PKD1L3: variants seen among roughly 807,000 people sequenced by gnomAD.
PKD1L3 encodes polycystin-1-like protein 3.
Under a neutral mutation model 184.1 loss-of-function variants are expected in PKD1L3, and 239 were observed. The ratio of observed to expected loss-of-function variants is 1.30; its 90% CI spans 1.17 to 1.45. The LOEUF (loss-of-function observed/expected upper bound fraction) is 1.45. Among genes scored for constraint, PKD1L3 ranks in the 40% most tolerant of loss-of-function variants. The probability of loss-of-function intolerance (pLI) is 0.00; values close to 1 mark genes in which losing one functional copy is unlikely to be tolerated. For synonymous variants in PKD1L3, 996 were observed against 778.8 expected (o/e 1.28, Z -4.64); for missense variants, 2,660 against 2,067.2 (o/e 1.29, Z -5.56).
In PKD1L3 at chr16:72,000,077, T is replaced by G; in HGVS notation, c.-99A>C. 1 of 1,032,640 alleles carries G rather than the reference T, an allele frequency of 9.7e-7. No homozygotes were observed. Among genetic ancestry groups the G allele is most frequent in the Non-Finnish European group, 1.3e-6 (1 of 755,224 alleles). 64.0% of individuals were successfully genotyped at this position (1,032,640 alleles called of 1,614,324 possible). A position where few individuals can be genotyped will look rare whatever the true frequency, so the allele number is the denominator to read the frequency against. ...GGCTTGTCTTATTAGTATTATTCTT[T>G]TATGAATTGGGAACAATTTACCAAG... On this transcript the variant is annotated 5_prime_UTR_variant, in exon 1 of 30. Coordinates refer to ENST00000620267, the MANE Select transcript of PKD1L3 (RefSeq NM_181536.2).
intron 2 of PKD1L3, among the ~76,000 whole-genome samples, chr16:71,994,701 T>G (rs531477925): frequency 6.6e-6 from 1 of 152,120 alleles, no homozygotes; most frequent in Non-Finnish European, 1.5e-5. Context: ...AGGGATTGCT[T>G]TTTACAATGT....
intron 2 of PKD1L3, among the ~76,000 whole-genome samples, chr16:71,994,367 G>C (rs947606356): frequency 9.2e-5 from 14 of 152,042 alleles, no homozygotes; most frequent in Non-Finnish European, 1.8e-4. Context: ...GAATATCAAA[G>C]CAATTTAGAG....
In PKD1L3 at chr16:71,975,809, A is replaced by G. The variant is rs182315502; in HGVS notation, c.1759+1427T>C. On this transcript the variant is annotated intron_variant, in intron 11 of 29. Transcript: ENST00000620267. The stretch of plus-strand genomic sequence containing the variant: ...AAATCACACAGGACTCAATACACAC[A>G]CATACAGAAATGTGCTTGTAAACCT... 2.6e-5 allele frequency among the ~76,000 whole-genome samples: 4 copies of G among 152,326 alleles called. No homozygotes were observed. In the East Asian group the frequency reaches 5.8e-4, roughly 22 times the overall value.
At position 71,935,561 on chromosome 16, in the gene PKD1L3, T is replaced by G. The variant is rs1471601072; in HGVS notation, c.4453-43A>C. The G allele has an allele frequency of 6.6e-6, 10 of 1,525,608 alleles. No homozygotes were observed. The East Asian group carries it at 2.5e-4, about 37-fold the overall frequency. The allele number at this position is 1,525,608 out of a possible 1,614,324, so 94.5% of individuals were successfully genotyped here. On this transcript the variant is annotated intron_variant, in intron 25 of 29. Transcript: ENST00000620267. ...AGTCACTGTTGCTTGTCTGAGAGAT[T>G]AGCTAGGTCTCTCCCTGCTCAAGTG...
At chr16:71,969,156 C>G (rs1170959596) in intron 13 of PKD1L3, among the ~76,000 whole-genome samples, 1 of 151,572 alleles carries the variant, frequency 6.6e-6, no homozygotes, top group African/African-American at 2.4e-5. Flanking sequence ...GTCTCAAACT[C>G]CTGACCTCAG....
Position 71,950,164 on chromosome 16 carries a change from C to T in PKD1L3, c.3337G>A (p.Glu1113Lys), listed in dbSNP as rs918828471. The change falls in exon 20 of 30, where the codon GAA (glutamate) becomes AAA (lysine). Residue 1113 changes from glutamate to lysine, a missense_variant. Coordinates refer to ENST00000620267, the MANE Select transcript of PKD1L3 (RefSeq NM_181536.2). ...DAASQLQKLQ[E>K]LLETHILPTE... is the part of the protein sequence containing the mutation. The stretch of plus-strand genomic sequence containing the variant: ...GGAAGAATATGTGTTTCCAAGAGTT[C>T]CTGGAGTTTTTGAAGTTGGCTGGCT... 84 of 1,552,052 alleles carry T rather than the reference C, an allele frequency of 5.4e-5. No individual in the cohort carries two copies. The highest frequency in any genetic ancestry group is 7.2e-5 in the Non-Finnish European group (83 of 1,147,098).
In PKD1L3 at chr16:71,951,704, G is replaced by A. The variant is rs1171164535; in HGVS notation, c.3050C>T (p.Thr1017Ile). The A allele has an allele frequency of 1.9e-6, 3 of 1,551,430 alleles. No individual in the cohort carries two copies. The highest frequency in any genetic ancestry group is 8.7e-7 in the Non-Finnish European group (1 of 1,146,948). ...CTGCTCACACTTGGAGAGTAGGTATGTATTTCTCCTGAGCAGGAATCTCAC... is the reference window on the plus strand; with the variant it reads ...CTGCTCACACTTGGAGAGTAGGTATATATTTCTCCTGAGCAGGAATCTCAC... ...ETVRFLLRRN[T>I]YLLSKCEQPP... The change falls in exon 19 of 30, where the codon ACA (threonine) becomes ATA (isoleucine). Residue 1017 changes from threonine (T) to isoleucine (I), a missense_variant. Physicochemically the swap from Thr to Ile is moderately conservative, Grantham distance 89 (BLOSUM62 -1). Coordinates refer to ENST00000620267, the MANE Select transcript of PKD1L3 (RefSeq NM_181536.2).
chr16:71,954,797 A>T (rs2038982512), intron 16 of PKD1L3, among the ~76,000 whole-genome samples: 1 of 152,216 alleles, frequency 6.6e-6, no homozygotes, highest in Non-Finnish European at 1.5e-5. Context: ...ATGAGAAAAC[A>T]AGGTGGTCAG....
intron 22 of PKD1L3, among the ~76,000 whole-genome samples, chr16:71,946,427 T>C (rs1422042141): frequency 3.9e-5 from 6 of 152,202 alleles, no homozygotes; most frequent in African/African-American, 1.4e-4. Flanking sequence ...ATATAACCTC[T>C]TGTCAAGACA....
intron 2 of PKD1L3, among the ~76,000 whole-genome samples, chr16:71,995,164 T>C (rs151261169): frequency 1.6e-3 from 237 of 152,272 alleles, no homozygotes; most frequent in African/African-American, 5.3e-3. Flanking sequence ...GGGGGAAGGC[T>C]GCAACCTCGT....
At chr16:71,969,192 A>C (rs1341446709) in intron 13 of PKD1L3, among the ~76,000 whole-genome samples, 1 of 149,610 alleles carries the variant, frequency 6.7e-6, no homozygotes, top group African/African-American at 2.5e-5. Context: ...CGGCCTCCCA[A>C]AGTGCTGGGA....
intron 2 of PKD1L3, among the ~76,000 whole-genome samples, chr16:71,996,253 C>CTT (rs67457253): frequency 4.1e-4 from 28 of 67,888 alleles, no homozygotes; most frequent in Non-Finnish European, 5.0e-4. Flanking sequence ...CCTCCCCCGC[C>CTT]TTTTTTTTTT....
intron 13 of PKD1L3, among the ~76,000 whole-genome samples, chr16:71,968,828 T>G (rs1175217171): frequency 6.6e-6 from 1 of 152,112 alleles, no homozygotes; most frequent in Non-Finnish European, 1.5e-5. Context: ...ACTCTTGACC[T>G]CAAGCGATCC....
chr16:71,954,932 G>A (rs2038987860), intron 16 of PKD1L3, among the ~76,000 whole-genome samples: 2 of 152,072 alleles, frequency 1.3e-5, no homozygotes, highest in South Asian at 4.1e-4. Flanking sequence ...AAAAGGGAGG[G>A]ACAAAGCCAA....
Position 71,933,820 on chromosome 16 carries a change from C to T in PKD1L3, c.4824+95G>A. On this transcript the variant is annotated intron_variant, in intron 27 of 29. Coordinates refer to ENST00000620267, the MANE Select transcript of PKD1L3 (RefSeq NM_181536.2). Reference sequence around the variant, plus strand: ...AAACCCGGCTTTCCTACTGTACCACCTCGGGTTTCTGTGTTGTGACCATTT... The same window carrying T: ...AAACCCGGCTTTCCTACTGTACCACTTCGGGTTTCTGTGTTGTGACCATTT... 3 of 1,359,634 alleles carry T rather than the reference C, an allele frequency of 2.2e-6. No individual in the cohort carries two copies. The South Asian group carries it at 4.0e-5, about 18-fold the overall frequency. 84.2% of individuals were successfully genotyped at this position (1,359,634 alleles called of 1,614,324 possible).
Position 71,978,242 on chromosome 16 carries a change from A to C in PKD1L3, c.1527+13T>G, listed in dbSNP as rs528979017. 2.3e-5 allele frequency: 36 copies of C among 1,546,590 alleles called. No homozygotes were observed. The highest frequency in any genetic ancestry group is 2.9e-5 in the Non-Finnish European group (33 of 1,143,428). Reference sequence around the variant, plus strand: ...ATTCTCTTCTATTTTATTCCCTAAGAATCAGTTCCTACCTCAATGTCCTCC... The same window carrying C: ...ATTCTCTTCTATTTTATTCCCTAAGCATCAGTTCCTACCTCAATGTCCTCC... On this transcript the variant is annotated intron_variant, in intron 10 of 29. Coordinates refer to ENST00000620267, the MANE Select transcript of PKD1L3 (RefSeq NM_181536.2).
At chr16:71,930,504 G>A (rs2037907200) in intron 28 of PKD1L3, 3 of 196,012 alleles carry the variant, frequency 1.5e-5, no homozygotes, top group East Asian at 1.2e-4. Context: ...GCTAAAAGTG[G>A]GAGGGGGGTA....
At chr16:71,945,387 T>C (rs867404590) in intron 22 of PKD1L3, among the ~76,000 whole-genome samples, 70 of 50,490 alleles carry the variant, frequency 1.4e-3, no homozygotes, top group South Asian at 3.5e-3. Flanking sequence ...CACACACATA[T>C]ATATATATAT....
rs975906467 is a variant in PKD1L3, at chr16:71,954,155, T to C, written c.2759A>G (p.Asn920Ser). The part of the protein sequence containing the change: ...MTLLLCNMVI[N>S]VMFWKINSTT... ...GCTGTTTATCTTCCAGAACATAACATTGATGACCATGTTGCAGAGTAGCAG... is the reference window on the plus strand; with the variant it reads ...GCTGTTTATCTTCCAGAACATAACACTGATGACCATGTTGCAGAGTAGCAG... Residue 920 changes from asparagine to serine, a missense_variant, in exon 17 of 30, where the codon AAT (asparagine) becomes AGT (serine). Coordinates refer to ENST00000620267, the MANE Select transcript of PKD1L3 (RefSeq NM_181536.2). The C allele has an allele frequency of 1.3e-5, 20 of 1,550,982 alleles. No homozygotes were observed. The Admixed American group carries it at 2.2e-4, about 17-fold the overall frequency.
Sources: gnomAD v4.1 joint callset for allele counts (sites outside exome capture counted in the v4.1 genomes callset) on GRCh38, gnomAD v4.1.1 for gene constraint, MANE v1.5 for transcripts, NCBI Gene and HGNC (gene_info 2026-07-23, HGNC 2026-07-21) for gene names.